Variants in PLCB4 observed in about 807,000 individuals in gnomAD.
PLCB4 encodes the protein phospholipase C beta 4.
In PLCB4, 77 loss-of-function variants were observed where a neutral mutation model predicts 178.8. That is an observed-to-expected ratio of 0.43 (90% CI 0.36 to 0.52). The LOEUF is 0.52. PLCB4 is among the 20% of genes least tolerant of loss of function. The pLI, the probability that PLCB4 is intolerant of heterozygous loss-of-function variation, is 0.00. For missense variants in PLCB4, 1,024 were observed against 1,453.4 expected (o/e 0.70, Z 4.80); for synonymous variants, 496 against 490.8 (o/e 1.01, Z -0.14).
At chr20:9,289,508 G>T (rs770853000) in intron 3 of PLCB4, among the ~76,000 whole-genome samples, 1 of 152,006 alleles carries the variant, frequency 6.6e-6, no homozygotes, top group Non-Finnish European at 1.5e-5. Context: ...CAGGATCTCT[G>T]TCCTCAGGTC....
chr20:9,416,201 T>C (rs1039236141), intron 25 of PLCB4, among the ~76,000 whole-genome samples: 29 of 152,222 alleles, frequency 1.9e-4, no homozygotes, highest in Admixed American at 6.5e-4. Flanking sequence ...CAGAGATGAG[T>C]GTTCTATGCA....
chr20:9,283,439 G>T (rs1367003739), intron 3 of PLCB4, among the ~76,000 whole-genome samples: 2 of 151,870 alleles, frequency 1.3e-5, no homozygotes, highest in African/African-American at 4.8e-5. Flanking sequence ...AATAGGTGGG[G>T]TTTGGGGGAC....
chr20:9,075,940 C>G (rs6077480), intron 1 of PLCB4, among the ~76,000 whole-genome samples: 94,935 of 152,040 alleles, frequency 0.62, 29,755 homozygotes, highest in South Asian at 0.72. Flanking sequence ...TTGGAAACAC[C>G]GTGTACTAGA....
Position 9,177,567 on chromosome 20 carries a change from A to G in PLCB4, c.-78-39823A>G, listed in dbSNP as rs183208083. On this transcript the variant is annotated intron_variant, in intron 2 of 39. Coordinates refer to ENST00000378473, the MANE Select transcript of PLCB4 (RefSeq NM_001377142.1). ...CTTGAAAGCAACTTAGAACCAATGT[A>G]AGTAATTCAGTTTCTCAAGCTAGTG... Among the ~76,000 whole-genome samples the G allele has an allele frequency of 2.0e-5, 3 of 152,270 alleles. No homozygotes were observed. In the East Asian group the frequency reaches 5.8e-4, roughly 29 times the overall value.
chr20:9,212,356 A>G (rs1040686362), intron 2 of PLCB4, among the ~76,000 whole-genome samples: 2 of 152,214 alleles, frequency 1.3e-5, no homozygotes, highest in African/African-American at 4.8e-5. Flanking sequence ...AACCTTGCCC[A>G]GTTACTCTTC....
At chr20:9,117,412 G>A (rs2091817700) in intron 2 of PLCB4, among the ~76,000 whole-genome samples, 2 of 152,166 alleles carry the variant, frequency 1.3e-5, no homozygotes, top group Non-Finnish European at 2.9e-5. Context: ...GAGAGCATCA[G>A]TTCAACCACA....
intron 7 of PLCB4, among the ~76,000 whole-genome samples, chr20:9,352,903 A>C (rs184980901): frequency 4.2e-4 from 64 of 152,274 alleles, no homozygotes; most frequent in Admixed American, 9.2e-4. Flanking sequence ...ATACTCATTC[A>C]GCATGCTCTG....
intron 14 of PLCB4, among the ~76,000 whole-genome samples, chr20:9,385,288 C>T (rs1179895013): frequency 6.6e-6 from 1 of 152,170 alleles, no homozygotes; most frequent in Admixed American, 6.5e-5. Flanking sequence ...AAACCGCCAT[C>T]GTCATCATGG....
intron 3 of PLCB4, among the ~76,000 whole-genome samples, chr20:9,273,445 A>T (rs1435489317): frequency 1.3e-5 from 2 of 152,074 alleles, no homozygotes; most frequent in African/African-American, 4.8e-5. Context: ...GAATTTTTGC[A>T]GTCTGACTCC....
intron 35 of PLCB4, among the ~76,000 whole-genome samples, chr20:9,464,071 C>G (rs1378346578): frequency 6.6e-6 from 1 of 152,160 alleles, no homozygotes; most frequent in Non-Finnish European, 1.5e-5. Context: ...GAAATCACAA[C>G]AAACTATCTC....
At chr20:9,405,496 A>T (rs2039369282) in intron 21 of PLCB4, 148 bp downstream of exon 21, 1 of 560,018 alleles carries the variant, frequency 1.8e-6, no homozygotes, top group Non-Finnish European at 3.2e-6. Context: ...ATTTTCTAAA[A>T]GTAGGTATTT....
At chr20:9,324,183 A>G (rs1412120459) in intron 4 of PLCB4, among the ~76,000 whole-genome samples, 1 of 151,216 alleles carries the variant, frequency 6.6e-6, no homozygotes, top group Admixed American at 6.6e-5. Flanking sequence ...TCAAAAAAAA[A>G]AAAAGAAAGA....
chr20:9,194,068 C>T (rs887354721), intron 2 of PLCB4, among the ~76,000 whole-genome samples: 14 of 151,852 alleles, frequency 9.2e-5, no homozygotes, highest in African/African-American at 3.4e-4. Flanking sequence ...CTTGGTGTTT[C>T]GTGTTTTTAA....
intron 3 of PLCB4, among the ~76,000 whole-genome samples, chr20:9,222,378 C>T (rs1273346051): frequency 6.6e-6 from 1 of 152,120 alleles, no homozygotes; most frequent in African/African-American, 2.4e-5. Context: ...CAGGCATGAG[C>T]TACTGTGCCC....
chr20:9,473,382 A>G lies in PLCB4; in HGVS notation c.3495+17A>G, dbSNP rs766150673. ...AATGAGCAGGTATTTTACCTAAAAT[A>G]CGTAAAAACATGCAGGCAGCTAGCC... is the stretch of plus-strand genomic sequence containing the variant. On this transcript the variant is annotated intron_variant, in intron 38 of 39. Coordinates refer to ENST00000378473, the MANE Select transcript of PLCB4 (RefSeq NM_001377142.1). The G allele has an allele frequency of 1.9e-5, 27 of 1,450,470 alleles. 1 individual carries two copies. The highest frequency in any genetic ancestry group is 1.6e-4 in the East Asian group (7 of 43,526). The allele number at this position is 1,450,470 out of a possible 1,614,324, so 89.8% of individuals were successfully genotyped here. A position where few individuals can be genotyped will look rare whatever the true frequency, so the allele number is the denominator to read the frequency against.
At position 9,372,417 on chromosome 20, in the gene PLCB4, A is replaced by G. The variant is rs2036326360; in HGVS notation, c.686+14A>G. ...TTTCAAAAAAATGTAAGTTCCACTT[A>G]TGAGGAAGTGCCATATAAATATTAT... On this transcript the variant is annotated intron_variant, in intron 11 of 39. Coordinates refer to ENST00000378473, the MANE Select transcript of PLCB4 (RefSeq NM_001377142.1). The G allele has an allele frequency of 2.4e-6, 3 of 1,275,030 alleles. No individual in the cohort carries two copies. Among genetic ancestry groups the G allele is most frequent in the Non-Finnish European group, 1.1e-6 (1 of 879,006 alleles). The allele number at this position is 1,275,030 out of a possible 1,614,324, so 79.0% of individuals were successfully genotyped here. A position where few individuals can be genotyped will look rare whatever the true frequency, so the allele number is the denominator to read the frequency against.
intron 2 of PLCB4, among the ~76,000 whole-genome samples, chr20:9,167,023 ATTTAT>A (rs1409136174): frequency 1.3e-5 from 2 of 152,172 alleles, no homozygotes; most frequent in African/African-American, 4.8e-5. Flanking sequence ...TCAATTAGAT[ATTTAT>A]TTTAATATCT....
At chr20:9,174,198 G>T (rs997690935) in intron 2 of PLCB4, among the ~76,000 whole-genome samples, 9 of 152,088 alleles carry the variant, frequency 5.9e-5, no homozygotes, top group African/African-American at 2.2e-4. Context: ...GAGTTCAGTG[G>T]CGTGATCATG....
chr20:9,087,551 T>C (rs1427954730), intron 1 of PLCB4, among the ~76,000 whole-genome samples: 1 of 152,238 alleles, frequency 6.6e-6, no homozygotes, highest in Non-Finnish European at 1.5e-5. Context: ...ATCCAGTTTG[T>C]AGCTTCTCCC....
Sources: allele counts gnomAD v4.1 joint callset (sites outside exome capture counted in the v4.1 genomes callset), GRCh38; gene constraint gnomAD v4.1.1; transcripts MANE v1.5; gene names NCBI Gene and HGNC (gene_info 2026-07-23, HGNC 2026-07-21).